The following DNAH12 variants were observed in gnomAD, a reference collection of about 807,000 sequenced individuals.
DNAH12 encodes the protein dynein axonemal heavy chain 12.
A neutral mutation model predicts 371.5 loss-of-function variants in DNAH12; 285 were observed. The ratio of observed to expected loss-of-function variants is 0.77; its 90% CI spans 0.70 to 0.85. The LOEUF is 0.85. DNAH12 is among the 40% of genes least tolerant of loss of function. DNAH12 has a pLI of 0.00. For missense variants in DNAH12, 3,611 were observed against 3,689.4 expected, an observed-to-expected ratio of 0.98 and a Z score of 0.55; for synonymous variants, 1,200 against 1,213.0, an observed-to-expected ratio of 0.99 and a Z score of 0.22.
At chr3:57,377,621 G>A (rs2063308078) in intron 52 of DNAH12, among the ~76,000 whole-genome samples, 1 of 151,276 alleles carries the variant, frequency 6.6e-6, no homozygotes, top group Non-Finnish European at 1.5e-5. Flanking sequence ...TCCTTTCCAA[G>A]CTTGTGATTT....
chr3:57,491,655 C>T (rs1006853797), intron 11 of DNAH12, among the ~76,000 whole-genome samples: 4 of 151,900 alleles, frequency 2.6e-5, no homozygotes, highest in African/African-American at 9.7e-5. Flanking sequence ...CTGTATAAGC[C>T]AGGCATGATG....
intron 4 of DNAH12, among the ~76,000 whole-genome samples, chr3:57,522,180 C>T (rs549678281): frequency 3.3e-4 from 50 of 151,962 alleles, no homozygotes; most frequent in African/African-American, 9.9e-4. Context: ...GCCAGGATCA[C>T]GCCACTGCAC....
chr3:57,351,625 A>G (rs1553660306), intron 60 of DNAH12, among the ~76,000 whole-genome samples: 1 of 152,250 alleles, frequency 6.6e-6, no homozygotes, highest in East Asian at 1.9e-4. Context: ...GAATCTCAAA[A>G]GTAATGTTGA....
Position 57,301,838 on chromosome 3 carries a change from A to C in DNAH12, c.11291T>G (p.Leu3764Arg). The change falls in exon 70 of 74, where the codon CTT becomes CGT. Residue 3764 changes from leucine to arginine, a missense_variant. By Grantham distance (102) the Leu-to-Arg change is moderately radical. Coordinates refer to ENST00000495027, the MANE Select transcript of DNAH12 (RefSeq NM_001366028.2). The stretch of plus-strand genomic sequence containing the variant: ...CCATATTTCTGGAACCTTTCCAACA[A>C]GTAAGCTACCGGAGAGTGCCTCCAA... ...SALEALSGSL[L>R]VGKVPEIWAK... is the part of the protein sequence containing the mutation. The C allele has an allele frequency of 6.4e-7, 1 of 1,551,708 alleles. No homozygotes were observed. The highest frequency in any genetic ancestry group is 8.7e-7 in the Non-Finnish European group (1 of 1,147,004).
chr3:57,531,885 T>G (rs2068862402), intron 2 of DNAH12, among the ~76,000 whole-genome samples: 1 of 152,060 alleles, frequency 6.6e-6, no homozygotes, highest in South Asian at 2.1e-4. Flanking sequence ...TTTCTAGGTT[T>G]GGGAAGTTCT....
In DNAH12 at chr3:57,446,457, TGA is replaced by T. The variant is rs2065500130; in HGVS notation, c.3939+78_3939+79del. 15 of 1,453,000 alleles carry T rather than the reference TGA, an allele frequency of 1.0e-5. 1 individual carries two copies. The South Asian group carries it at 2.1e-4, about 20-fold the overall frequency. The allele number at this position is 1,453,000 out of a possible 1,614,324, so 90.0% of individuals were successfully genotyped here. A position where few individuals can be genotyped will look rare whatever the true frequency, so the allele number is the denominator to read the frequency against. ...TTCAAACCACATTCATGTTTAAACA[TGA>T]GTTTGCTTCCATTTATCCAATTAGA... On this transcript the variant is annotated intron_variant, in intron 26 of 73. Coordinates refer to ENST00000495027, the MANE Select transcript of DNAH12 (RefSeq NM_001366028.2).
chr3:57,344,708 A>G (rs1024332630), intron 60 of DNAH12, among the ~76,000 whole-genome samples: 20 of 152,346 alleles, frequency 1.3e-4, no homozygotes, highest in African/African-American at 3.8e-4. Flanking sequence ...TAAACACCAC[A>G]TGTTCTCACT....
intron 43 of DNAH12, among the ~76,000 whole-genome samples, chr3:57,402,830 C>T (rs868942619): frequency 5.7e-4 from 87 of 152,236 alleles, no homozygotes; most frequent in African/African-American, 2.1e-3. Context: ...TGCAACATTC[C>T]CAACACAAAA....
At position 57,380,392 on chromosome 3, in the gene DNAH12, T is replaced by G. The variant is rs1177292788; in HGVS notation, c.7993-25A>C. On this transcript the variant is annotated intron_variant, in intron 50 of 73. Coordinates refer to ENST00000495027, the MANE Select transcript of DNAH12 (RefSeq NM_001366028.2). The stretch of plus-strand genomic sequence containing the variant: ...TCTACAAATAAAATTTATGGAAATT[T>G]GTTAAATTTGCAACTAAAAATGCTA... 2.0e-5 allele frequency: 3 copies of G among 152,356 alleles called. No homozygotes were observed. The East Asian group carries it at 5.8e-4, about 29-fold the overall frequency. 9.4% of individuals were successfully genotyped at this position (152,356 alleles called of 1,614,324 possible). A position where few individuals can be genotyped will look rare whatever the true frequency, so the allele number is the denominator to read the frequency against.
chr3:57,348,079 ATAT>A (rs1553658753), intron 60 of DNAH12, among the ~76,000 whole-genome samples: 1 of 152,220 alleles, frequency 6.6e-6, no homozygotes, highest in African/African-American at 2.4e-5. Flanking sequence ...TGTTTGTAGC[ATAT>A]TATTCATAAT....
At chr3:57,488,641 C>T (rs1274083461) in intron 12 of DNAH12, among the ~76,000 whole-genome samples, 1 of 152,116 alleles carries the variant, frequency 6.6e-6, no homozygotes, top group Admixed American at 6.6e-5. Flanking sequence ...TTTCACTTTG[C>T]TTCCGGGAAA....
intron 49 of DNAH12, among the ~76,000 whole-genome samples, chr3:57,382,759 T>A (rs2063420792): frequency 6.6e-6 from 1 of 152,156 alleles, no homozygotes; most frequent in African/African-American, 2.4e-5. Context: ...CTATATTTGC[T>A]TATATATATT....
At chr3:57,522,653 C>A (rs9857603) in intron 4 of DNAH12, among the ~76,000 whole-genome samples, 2 of 152,022 alleles carry the variant, frequency 1.3e-5, no homozygotes, top group Admixed American at 6.6e-5. Flanking sequence ...CCTCTATCCC[C>A]CAAAGTGAAT....
intron 43 of DNAH12, among the ~76,000 whole-genome samples, chr3:57,398,755 C>T (rs906442906): frequency 1.3e-5 from 2 of 152,174 alleles, no homozygotes; most frequent in South Asian, 2.1e-4. Flanking sequence ...GAACAAACAC[C>T]GAGGGAGTCC....
At chr3:57,403,701 C>G (rs934032187) in intron 42 of DNAH12, among the ~76,000 whole-genome samples, 200 bp from the exon 43 acceptor site, 3 of 152,006 alleles carry the variant, frequency 2.0e-5, no homozygotes, top group African/African-American at 4.8e-5. Context: ...TAGGGGAAAA[C>G]TAATTAAAAG....
chr3:57,457,872 A>G lies in DNAH12; in HGVS notation c.3185T>C (p.Ile1062Thr). The G allele has an allele frequency of 6.4e-7, 1 of 1,551,676 alleles. No individual in the cohort carries two copies. The highest frequency in any genetic ancestry group is 8.7e-7 in the Non-Finnish European group (1 of 1,146,992). ...GCCCTCAGAGCTATACATGGCTTTA[A>G]TGTCCAAATTGGGAAGGAACTCTAA... ...AKLEFLPNLD[I>T]KAMYSSEGER... The change falls in exon 22 of 74, where the codon ATT becomes ACT. Residue 1062 changes from isoleucine to threonine, a missense_variant. This residue lies in a region of DNAH12 where 1,314 missense variants were observed against 1,398.7 expected (regional missense o/e 0.94). Transcript: ENST00000495027.
chr3:57,424,081 C>T (rs181564815), intron 35 of DNAH12, among the ~76,000 whole-genome samples: 1 of 152,246 alleles, frequency 6.6e-6, no homozygotes, highest in Admixed American at 6.5e-5. Context: ...TGCCTAAATG[C>T]TGGCTTAACA....
intron 43 of DNAH12, among the ~76,000 whole-genome samples, chr3:57,396,263 G>A (rs1438727980): frequency 1.7e-5 from 2 of 120,712 alleles, no homozygotes; most frequent in African/African-American, 5.8e-5. Context: ...AGGCAACAAG[G>A]GCAAGACTGC....
chr3:57,419,226 G>C, intron 37 of DNAH12, 141 bp downstream of exon 37: 1 of 796,336 alleles, frequency 1.3e-6, no homozygotes, highest in Non-Finnish European at 1.8e-6. Flanking sequence ...AGCAACAGAT[G>C]TCACTTTCAA....
Sources: gnomAD v4.1 joint callset for allele counts (sites outside exome capture counted in the v4.1 genomes callset) on GRCh38, gnomAD v4.1.1 for gene constraint, gnomAD v4.1.1 regional missense constraint, MANE v1.5 for transcripts, NCBI Gene and HGNC (gene_info 2026-07-23, HGNC 2026-07-21) for gene names.